The following PIBF1 variants were observed in gnomAD, a reference collection of about 807,000 sequenced individuals.
PIBF1 encodes progesterone immunomodulatory binding factor 1.
In PIBF1, 90 loss-of-function variants were observed where a neutral mutation model predicts 112.5. That is an observed-to-expected ratio of 0.80 (90% CI 0.67 to 0.95). PIBF1 has a LOEUF of 0.95. Ranked by LOEUF, PIBF1 falls within the 40% of genes least tolerant of loss-of-function variation. PIBF1 has a pLI of 0.00. For synonymous variants in PIBF1, 301 were observed against 288.6 expected (o/e 1.04, Z -0.44); for missense variants, 915 against 852.3 (o/e 1.07, Z -0.92).
chr13:72,807,422 T>C lies in PIBF1; in HGVS notation c.672+9396T>C, dbSNP rs1182761312. ...AAACTCCGTCTCTATTAAAAATACA[T>C]AAATTAGTCAGGTGTGGTGGCAAAC... On this transcript the variant is annotated intron_variant, in intron 5 of 17. Coordinates refer to ENST00000326291, the MANE Select transcript of PIBF1 (RefSeq NM_006346.4). Among the ~76,000 whole-genome samples the C allele has an allele frequency of 3.3e-5, 5 of 151,952 alleles. No individual in the cohort carries two copies. In the East Asian group the frequency reaches 9.7e-4, roughly 30 times the overall value.
chr13:72,828,458 G>C (rs2036936049), intron 8 of PIBF1, among the ~76,000 whole-genome samples: 1 of 151,960 alleles, frequency 6.6e-6, no homozygotes, highest in South Asian at 2.1e-4. Flanking sequence ...GCCGGTGTGT[G>C]ATGTTCCCCT....
At chr13:72,788,872 A>G (rs534967841) in intron 2 of PIBF1, among the ~76,000 whole-genome samples, 3 of 152,298 alleles carry the variant, frequency 2.0e-5, no homozygotes, top group South Asian at 4.1e-4. Context: ...GTCCCACTCC[A>G]TTGTGGCACC....
chr13:72,865,274 A>G (rs1371472505), intron 10 of PIBF1, among the ~76,000 whole-genome samples: 5 of 152,318 alleles, frequency 3.3e-5, no homozygotes, highest in South Asian at 2.1e-4. Context: ...TAATGCCTGC[A>G]TAATAGGCAG....
intron 9 of PIBF1, among the ~76,000 whole-genome samples, chr13:72,853,800 A>G (rs988323005): frequency 6.6e-6 from 1 of 152,158 alleles, no homozygotes; most frequent in Non-Finnish European, 1.5e-5. Flanking sequence ...ATAAATTACT[A>G]TATATACAAA....
rs774027421 is a variant in PIBF1 at position 72,965,269 on chromosome 13, T to C, written c.1834-5T>C. The C allele has an allele frequency of 6.2e-7, 1 of 1,604,772 alleles. No individual in the cohort carries two copies. Among genetic ancestry groups the C allele is most frequent in the African/African-American group, 1.3e-5 (1 of 74,598 alleles). On this transcript the variant is annotated splice_region_variant and splice_polypyrimidine_tract_variant and intron_variant, in intron 14 of 17. Transcript: ENST00000326291. ...TAGATTTTAATGAAACCTGTGTTTCTTTAGCTTGACAGAGCCAATTCGCTA... is the reference window on the plus strand; with the variant it reads ...TAGATTTTAATGAAACCTGTGTTTCCTTAGCTTGACAGAGCCAATTCGCTA...
chr13:72,798,899 C>G (rs1036825574), intron 5 of PIBF1, among the ~76,000 whole-genome samples: 1 of 152,174 alleles, frequency 6.6e-6, no homozygotes, highest in African/African-American at 2.4e-5. Context: ...TTATTACTTA[C>G]GTGGCTTCTT....
chr13:72,996,948 C>T (rs897068407), intron 16 of PIBF1, among the ~76,000 whole-genome samples: 2 of 152,170 alleles, frequency 1.3e-5, no homozygotes, highest in African/African-American at 4.8e-5. Context: ...TTAAAGTGTT[C>T]TTTGCCTGGA....
chr13:72,802,780 A>G (rs531122746), intron 5 of PIBF1, among the ~76,000 whole-genome samples: 1 of 152,280 alleles, frequency 6.6e-6, no homozygotes, highest in African/African-American at 2.4e-5. Flanking sequence ...GACGATATTT[A>G]AAGCCAGGAT....
At chr13:72,961,064 T>G (rs2042591798) in intron 14 of PIBF1, among the ~76,000 whole-genome samples, 1 of 150,754 alleles carries the variant, frequency 6.6e-6, no homozygotes. Context: ...TTTTTGAAGA[T>G]TTTTTTTCCT....
intron 12 of PIBF1, among the ~76,000 whole-genome samples, chr13:72,915,326 G>T (rs2325483): frequency 0.27 from 41,720 of 151,952 alleles, 6,854 homozygotes; most frequent in East Asian, 0.47. Context: ...CTCAGATGCA[G>T]TTGCCCTGCG....
At chr13:72,949,300 C>CTTTTTTTTGTTTTTTTTTTTTT (rs2042233048) in intron 14 of PIBF1, among the ~76,000 whole-genome samples, 1 of 54,954 alleles carries the variant, frequency 1.8e-5, no homozygotes, top group Non-Finnish European at 3.2e-5. Context: ...AAATAGCTGT[C>CTTTTTTTTGTTTTTTTTTTTTT]TTTTTTTTTT....
intron 12 of PIBF1, among the ~76,000 whole-genome samples, chr13:72,912,240 T>C (rs2040921250): frequency 6.6e-6 from 1 of 152,128 alleles, no homozygotes. Flanking sequence ...ATTTGTATTG[T>C]TTAAACCATA....
At chr13:72,888,705 C>T (rs775363812) in intron 10 of PIBF1, among the ~76,000 whole-genome samples, 17 of 151,234 alleles carry the variant, frequency 1.1e-4, no homozygotes, top group African/African-American at 2.2e-4. Context: ...ATGGAAAAAA[C>T]GGATCCCAAG....
At chr13:73,000,008 A>T (rs1158664044) in intron 17 of PIBF1, among the ~76,000 whole-genome samples, 1 of 152,236 alleles carries the variant, frequency 6.6e-6, no homozygotes, top group Non-Finnish European at 1.5e-5. Flanking sequence ...CACTGCATTC[A>T]CCACCTTGGC....
At chr13:72,994,155 G>A (rs560010032) in intron 16 of PIBF1, among the ~76,000 whole-genome samples, 3 of 152,008 alleles carry the variant, frequency 2.0e-5, no homozygotes, top group Admixed American at 6.6e-5. Flanking sequence ...GGTAGAGGCC[G>A]GAGGCGGGGA....
intron 11 of PIBF1, chr13:72,901,188 G>A: frequency 6.8e-6 from 2 of 292,440 alleles, no homozygotes; most frequent in Admixed American, 9.2e-5. Flanking sequence ...TGAATATCCG[G>A]AATCTACAGT....
At chr13:72,889,636 T>C (rs2138546423) in intron 10 of PIBF1, among the ~76,000 whole-genome samples, 1 of 152,324 alleles carries the variant, frequency 6.6e-6, no homozygotes, top group African/African-American at 2.4e-5. Flanking sequence ...CTCTTGCCAG[T>C]CTACCTTGGG....
At chr13:72,899,362 C>G (rs1566422971) in intron 11 of PIBF1, among the ~76,000 whole-genome samples, 1 of 152,086 alleles carries the variant, frequency 6.6e-6, no homozygotes, top group African/African-American at 2.4e-5. Context: ...AACATAAATG[C>G]TAAAATCCTT....
intron 11 of PIBF1, among the ~76,000 whole-genome samples, chr13:72,907,256 A>G (rs972196571): frequency 1.1e-4 from 16 of 152,240 alleles, no homozygotes; most frequent in African/African-American, 3.8e-4. Flanking sequence ...AAGTTAAGGA[A>G]AATTATAATT....
Sources: gnomAD v4.1 joint callset for allele counts (sites outside exome capture counted in the v4.1 genomes callset) on GRCh38, gnomAD v4.1.1 for gene constraint, MANE v1.5 for transcripts, NCBI Gene and HGNC (gene_info 2026-07-23, HGNC 2026-07-21) for gene names.